Variants in LHFPL6 observed in about 807,000 individuals in gnomAD.
The protein encoded by LHFPL6 is LHFPL tetraspan subfamily member 6 protein.
In LHFPL6, 9 loss-of-function variants were observed where a neutral mutation model predicts 20.6. The observed-to-expected ratio is 0.44, with a 90% confidence interval of 0.26 to 0.76. The LOEUF (loss-of-function observed/expected upper bound fraction) is 0.76, where lower values mean the gene tolerates loss of function less well. Among genes scored for constraint, LHFPL6 ranks in the 30% least tolerant of loss-of-function variants. The pLI is 0.20. For missense variants in LHFPL6, 218 were observed against 253.5 expected (o/e 0.86, Z 0.95); for synonymous variants, 105 against 98.7 (o/e 1.06, Z -0.38).
chr13:39,382,199 T>G (rs1169472987), intron 2 of LHFPL6, among the ~76,000 whole-genome samples: 2 of 152,158 alleles, frequency 1.3e-5, no homozygotes, highest in African/African-American at 4.8e-5. Context: ...CTATACCAAG[T>G]TTCCCTTTAA....
At chr13:39,574,891 G>T (rs2138533901) in intron 2 of LHFPL6, among the ~76,000 whole-genome samples, 1 of 152,238 alleles carries the variant, frequency 6.6e-6, no homozygotes, top group African/African-American at 2.4e-5. Context: ...GGCCATCATG[G>T]TGAAACCCTG....
At chr13:39,562,417 C>CATATACATATATATACAT (rs1555268242) in intron 2 of LHFPL6, among the ~76,000 whole-genome samples, 3 of 57,898 alleles carry the variant, frequency 5.2e-5, no homozygotes, top group African/African-American at 1.6e-4. Context: ...CACATATACA[C>CATATACATATATATACAT]ATATACATAT....
intron 2 of LHFPL6, among the ~76,000 whole-genome samples, chr13:39,472,868 C>T (rs1227998250): frequency 6.6e-6 from 1 of 152,182 alleles, no homozygotes; most frequent in Non-Finnish European, 1.5e-5. Context: ...GCCTTGGCCT[C>T]CCAAATTGCT....
At chr13:39,575,149 A>G (rs75460165) in intron 2 of LHFPL6, among the ~76,000 whole-genome samples, 2 of 152,266 alleles carry the variant, frequency 1.3e-5, no homozygotes, top group East Asian at 3.9e-4. Context: ...GTTACAGGAT[A>G]CCTCATCAAA....
At chr13:39,508,281 TC>T (rs776121033) in intron 2 of LHFPL6, among the ~76,000 whole-genome samples, 1 of 152,156 alleles carries the variant, frequency 6.6e-6, no homozygotes, top group Non-Finnish European at 1.5e-5. Context: ...CGCCTGGGCC[TC>T]CCAAAGTGCT....
At chr13:39,439,945 T>C (rs1872069912) in intron 2 of LHFPL6, among the ~76,000 whole-genome samples, 1 of 152,230 alleles carries the variant, frequency 6.6e-6, no homozygotes, top group Non-Finnish European at 1.5e-5. Flanking sequence ...TGTTTCTTTA[T>C]AGCAGTGTGA....
intron 2 of LHFPL6, among the ~76,000 whole-genome samples, chr13:39,382,321 T>C (rs1174594906): frequency 6.6e-6 from 1 of 152,220 alleles, no homozygotes; most frequent in Non-Finnish European, 1.5e-5. Context: ...CCAAACTTTG[T>C]CTCTTGCGTT....
At chr13:39,538,179 G>A (rs924252231) in intron 2 of LHFPL6, among the ~76,000 whole-genome samples, 4 of 151,274 alleles carry the variant, frequency 2.6e-5, no homozygotes, top group East Asian at 1.9e-4. Context: ...TAGTAGAGAC[G>A]GGGTTTCACC....
chr13:39,431,339 A>G (rs1263727555), intron 2 of LHFPL6, among the ~76,000 whole-genome samples: 2 of 152,086 alleles, frequency 1.3e-5, no homozygotes, highest in Non-Finnish European at 2.9e-5. Context: ...TGAAGGAACA[A>G]ACTCCAGACA....
intron 2 of LHFPL6, among the ~76,000 whole-genome samples, chr13:39,417,597 A>T (rs555429917): frequency 5.9e-5 from 9 of 152,182 alleles, no homozygotes; most frequent in Non-Finnish European, 1.2e-4. Context: ...CATTCTGCAA[A>T]AATTCATTAG....
At chr13:39,409,310 C>T (rs971210415) in intron 2 of LHFPL6, among the ~76,000 whole-genome samples, 10 of 151,882 alleles carry the variant, frequency 6.6e-5, no homozygotes, top group African/African-American at 1.2e-4. Context: ...AAAGATTAGC[C>T]GGGCGTGGTG....
chr13:39,485,005 T>TG (rs1566122264), intron 2 of LHFPL6, among the ~76,000 whole-genome samples: 14 of 152,348 alleles, frequency 9.2e-5, no homozygotes, highest in African/African-American at 2.4e-4. Flanking sequence ...TTTTCATCTA[T>TG]AGAAGATTCT....
chr13:39,515,665 T>C (rs1367950305), intron 2 of LHFPL6, among the ~76,000 whole-genome samples: 1 of 152,192 alleles, frequency 6.6e-6, no homozygotes, highest in African/African-American at 2.4e-5. Flanking sequence ...CAGCTATCTG[T>C]GCTGGGGTAG....
intron 2 of LHFPL6, among the ~76,000 whole-genome samples, chr13:39,481,717 G>A (rs112238710): frequency 0.028 from 4,278 of 152,238 alleles, 189 homozygotes; most frequent in African/African-American, 0.096. Context: ...GGAGGCATCC[G>A]CAGGAACTGG....
intron 3 of LHFPL6, among the ~76,000 whole-genome samples, chr13:39,376,684 A>G (rs1019566706): frequency 6.6e-6 from 1 of 152,178 alleles, no homozygotes; most frequent in African/African-American, 2.4e-5. Flanking sequence ...TTTAAAATTA[A>G]TATTTGGAAT....
intron 2 of LHFPL6, among the ~76,000 whole-genome samples, chr13:39,384,238 G>A (rs927620): frequency 1 from 151,602 of 152,318 alleles, 75,450 homozygotes; most frequent in Middle Eastern, 1. Flanking sequence ...TGGGGCAAGT[G>A]TAGAGAGCAA....
At chr13:39,505,884 T>C (rs1485396818) in intron 2 of LHFPL6, among the ~76,000 whole-genome samples, 2 of 152,202 alleles carry the variant, frequency 1.3e-5, no homozygotes, top group African/African-American at 4.8e-5. Context: ...GAAAATATTA[T>C]CCTCTAAACA....
At chr13:39,472,578 G>C (rs577255690) in intron 2 of LHFPL6, among the ~76,000 whole-genome samples, 1 of 151,878 alleles carries the variant, frequency 6.6e-6, no homozygotes, top group Non-Finnish European at 1.5e-5. Flanking sequence ...GTATTTGAAA[G>C]GTTTCTTCCC....
intron 2 of LHFPL6, among the ~76,000 whole-genome samples, chr13:39,384,978 T>C (rs893708275): frequency 3.9e-5 from 6 of 152,086 alleles, no homozygotes; most frequent in African/African-American, 1.2e-4. Flanking sequence ...CAGGAAGAGG[T>C]GTGAGATCAT....
Sources: gnomAD v4.1 joint callset for allele counts (sites outside exome capture counted in the v4.1 genomes callset) on GRCh38, gnomAD v4.1.1 for gene constraint, MANE v1.5 for transcripts, NCBI Gene and HGNC (gene_info 2026-07-23, HGNC 2026-07-21) for gene names.